RIN3: variants seen among roughly 807,000 people sequenced by gnomAD.
RIN3 encodes the protein Ras and Rab interactor 3.
Under a neutral mutation model 76.3 loss-of-function variants are expected in RIN3, and 54 were observed. The observed-to-expected ratio is 0.71, with a 90% CI of 0.57 to 0.89. The LOEUF (loss-of-function observed/expected upper bound fraction) is 0.89, where lower values mean the gene tolerates loss of function less well. Ranked by LOEUF, RIN3 falls within the 40% of genes least tolerant of loss-of-function variation. The pLI is 0.00. For synonymous variants in RIN3, 576 were observed against 564.0 expected (o/e 1.02, Z -0.30); for missense variants, 1,256 against 1,322.1 (o/e 0.95, Z 0.78).
chr14:92,676,525 G>A lies in RIN3; in HGVS notation c.2386G>A (p.Ala796Thr). 6.2e-7 allele frequency: 1 copy of A among 1,614,128 alleles called. No homozygotes were observed. Among genetic ancestry groups the A allele is most frequent in the South Asian group, 1.1e-5 (1 of 91,086 alleles). The stretch of plus-strand genomic sequence containing the variant: ...CCTGCCTGTGCTCATGTATGTGCTG[G>A]CCCGCAGCAACCTCACGGAGATGCT... ...DFLPVLMYVL[A>T]RSNLTEMLLN... is the part of the protein sequence containing the mutation. The change falls in exon 8 of 10, where the codon GCC (alanine) becomes ACC (threonine). Residue 796 changes from alanine (A) to threonine (T), a missense_variant. Ala to Thr is a moderately conservative substitution (Grantham distance 58, BLOSUM62 0). Transcript: ENST00000216487.
chr14:92,621,873 A>G (rs1279858812), intron 4 of RIN3, among the ~76,000 whole-genome samples: 1 of 152,254 alleles, frequency 6.6e-6, no homozygotes, highest in Non-Finnish European at 1.5e-5. Flanking sequence ...CTTAGCCATG[A>G]GATAGCAATA....
chr14:92,603,562 A>C lies in RIN3; in HGVS notation c.368-11845A>C, dbSNP rs889182524. Among the ~76,000 whole-genome samples the C allele has an allele frequency of 2.0e-5, 3 of 152,330 alleles. No individual in the cohort carries two copies. In the East Asian group the frequency reaches 5.8e-4, roughly 29 times the overall value. ...CTCATGGTATGTGGTTGGTGGACCC[A>C]GGGGCCTGTGCCCGGTCTGTGCTGT... On this transcript the variant is annotated intron_variant, in intron 3 of 9. Coordinates refer to ENST00000216487, the MANE Select transcript of RIN3 (RefSeq NM_024832.5).
chr14:92,619,445 T>C (rs1428471600), intron 4 of RIN3, among the ~76,000 whole-genome samples: 1 of 146,728 alleles, frequency 6.8e-6, no homozygotes, highest in Admixed American at 6.8e-5. Context: ...CTTTTTTTTT[T>C]TTTTTTTTTT....
intron 4 of RIN3, among the ~76,000 whole-genome samples, chr14:92,631,567 G>A (rs1280661256): frequency 6.6e-6 from 1 of 152,146 alleles, no homozygotes; most frequent in South Asian, 2.1e-4. Flanking sequence ...GACTCAGTGG[G>A]TCTGGGGTGG....
chr14:92,634,937 C>A (rs1886721875), intron 4 of RIN3, among the ~76,000 whole-genome samples: 1 of 151,848 alleles, frequency 6.6e-6, no homozygotes, highest in South Asian at 2.1e-4. Flanking sequence ...TAGCAGTCTG[C>A]ATTTCTAGCA....
At chr14:92,646,668 G>A (rs1252713928) in intron 5 of RIN3, among the ~76,000 whole-genome samples, 1 of 152,132 alleles carries the variant, frequency 6.6e-6, no homozygotes, top group Non-Finnish European at 1.5e-5. Flanking sequence ...TTGAACTCCT[G>A]ACCTCAGGTG....
At chr14:92,610,130 A>G (rs1885676946) in intron 3 of RIN3, among the ~76,000 whole-genome samples, 1 of 152,218 alleles carries the variant, frequency 6.6e-6, no homozygotes. Context: ...CCATCATCAC[A>G]GTCAGTTAAG....
chr14:92,670,831 T>C (rs1888264239), intron 7 of RIN3, among the ~76,000 whole-genome samples: 1 of 152,204 alleles, frequency 6.6e-6, no homozygotes, highest in Non-Finnish European at 1.5e-5. Flanking sequence ...CCCAGCTCTG[T>C]GTTCTTGTTG....
At chr14:92,624,116 A>G (rs1347115141) in intron 4 of RIN3, among the ~76,000 whole-genome samples, 2 of 152,246 alleles carry the variant, frequency 1.3e-5, no homozygotes, top group Non-Finnish European at 2.9e-5. Flanking sequence ...GGAATATTCA[A>G]TCCATTCCAT....
chr14:92,534,270 G>T (rs1896945713), intron 1 of RIN3, among the ~76,000 whole-genome samples: 1 of 148,016 alleles, frequency 6.8e-6, no homozygotes, highest in Non-Finnish European at 1.5e-5. Context: ...TACAGATGGG[G>T]AAACTTAGGC....
In RIN3 at chr14:92,626,778, G is replaced by C. The variant is rs145800233; in HGVS notation, c.440+11299G>C. 4.1e-3 allele frequency among the ~76,000 whole-genome samples: 622 copies of C among 152,258 alleles called. 6 individuals are homozygous for C. Among genetic ancestry groups the C allele is most frequent in the African/African-American group, 0.014 (571 of 41,532 alleles). On this transcript the variant is annotated intron_variant, in intron 4 of 9. Transcript: ENST00000216487. Reference sequence around the variant, plus strand: ...GAATTAAATGGGGAAAGGTGGTTTAGAGGGTTCCAGGAGTTGGGATCCCTC... The same window carrying C: ...GAATTAAATGGGGAAAGGTGGTTTACAGGGTTCCAGGAGTTGGGATCCCTC...
intron 3 of RIN3, among the ~76,000 whole-genome samples, chr14:92,600,708 C>T (rs1195448370): frequency 6.6e-6 from 1 of 152,216 alleles, no homozygotes; most frequent in East Asian, 1.9e-4. Context: ...CCTGCCGGTT[C>T]ACTCAAGGAG....
chr14:92,552,916 T>TG (rs1897471016), intron 1 of RIN3, among the ~76,000 whole-genome samples: 2 of 151,774 alleles, frequency 1.3e-5, no homozygotes, highest in African/African-American at 4.8e-5. Context: ...TGGAACAGCA[T>TG]TTGACATTGG....
At chr14:92,676,366 C>T in intron 7 of RIN3, 109 bp from the exon 8 acceptor site, 1 of 1,289,716 alleles carries the variant, frequency 7.8e-7, no homozygotes, top group Non-Finnish European at 1.1e-6. Flanking sequence ...ATTCCTCTTC[C>T]AGGGATCGCC....
intron 6 of RIN3, among the ~76,000 whole-genome samples, chr14:92,658,296 G>A (rs1244200911): frequency 3.3e-5 from 5 of 152,230 alleles, no homozygotes; most frequent in Admixed American, 6.5e-5. Context: ...CCATGTGGAC[G>A]ACTGCGAGGC....
At chr14:92,612,457 G>A (rs945315543) in intron 3 of RIN3, among the ~76,000 whole-genome samples, 2 of 152,228 alleles carry the variant, frequency 1.3e-5, no homozygotes, top group African/African-American at 4.8e-5. Flanking sequence ...AGAGGGAAGG[G>A]CCATCAGCCA....
At chr14:92,654,466 T>G (rs773695911) in intron 6 of RIN3, among the ~76,000 whole-genome samples, 10 of 152,224 alleles carry the variant, frequency 6.6e-5, no homozygotes, top group Admixed American at 1.3e-4. Flanking sequence ...AAGCCTCTCC[T>G]TCCCCACCCA....
intron 1 of RIN3, among the ~76,000 whole-genome samples, chr14:92,553,026 TAAAAA>T (rs55684274): frequency 3.0e-4 from 37 of 123,198 alleles, no homozygotes; most frequent in Admixed American, 3.4e-4. Flanking sequence ...GTTCTGCAGG[TAAAAA>T]AAAAAAAAAA....
chr14:92,633,875 G>A (rs1172670827), intron 4 of RIN3, among the ~76,000 whole-genome samples: 2 of 151,776 alleles, frequency 1.3e-5, no homozygotes, highest in African/African-American at 4.8e-5. Context: ...GTGTGTGTGT[G>A]TGTGTTTGTA....
Sources: gnomAD v4.1 joint callset for allele counts (sites outside exome capture counted in the v4.1 genomes callset) on GRCh38, gnomAD v4.1.1 for gene constraint, MANE v1.5 for transcripts, NCBI Gene and HGNC (gene_info 2026-07-23, HGNC 2026-07-21) for gene names.